The following TRMT9B variants were observed in gnomAD, a reference collection of about 807,000 sequenced individuals.
The protein encoded by TRMT9B is tRNA methyltransferase 9B (putative).
TRMT9B carries 16 observed loss-of-function variants against 11.5 expected under a neutral mutation model. The ratio of observed to expected loss-of-function variants is 1.39; its 90% confidence interval spans 0.94 to 2.11. TRMT9B has a LOEUF of 2.11. Among genes scored for constraint, TRMT9B ranks in the 30% most tolerant of loss-of-function variants. TRMT9B has a pLI of 0.00. For missense variants in TRMT9B, 941 were observed against 553.8 expected (o/e 1.70, Z -7.02); for synonymous variants, 274 against 192.4 (o/e 1.42, Z -3.51).
At chr8:12,968,741 G>A (rs1803170054) in intron 1 of TRMT9B, among the ~76,000 whole-genome samples, 1 of 152,192 alleles carries the variant, frequency 6.6e-6, no homozygotes, top group African/African-American at 2.4e-5. Context: ...ACCTCTCACA[G>A]GAGGTGTAGT....
chr8:13,010,936 A>G (rs1811476586), intron 3 of TRMT9B: 2 of 910,824 alleles, frequency 2.2e-6, no homozygotes, highest in Non-Finnish European at 2.6e-6. Context: ...ATAATATCAT[A>G]GAAATAATAT....
chr8:12,969,106 G>T (rs990376540), intron 1 of TRMT9B, among the ~76,000 whole-genome samples: 1 of 152,128 alleles, frequency 6.6e-6, no homozygotes, highest in East Asian at 1.9e-4. Flanking sequence ...CTAGCTACTC[G>T]GGAGGCTGAG....
At position 13,012,841 on chromosome 8, in the gene TRMT9B, C is replaced by A; in HGVS notation, c.312C>A (p.Ala104=). Residue 104 remains alanine (A), a synonymous_variant, in exon 4 of 5, where the codon GCC becomes GCA. Transcript: ENST00000524591. ...NLPFRDEGFD[A]IISIGVIHHF... Reference sequence around the variant, plus strand: ...CCTTTAGGGATGAGGGCTTCGATGCCATCATCTCCATAGGAGGTAAGGCAG... The same window carrying A: ...CCTTTAGGGATGAGGGCTTCGATGCAATCATCTCCATAGGAGGTAAGGCAG... 6.2e-7 allele frequency: 1 copy of A among 1,613,800 alleles called. No homozygotes were observed.
intron 3 of TRMT9B, chr8:13,007,496 T>C (rs1346068951): frequency 6.6e-6 from 1 of 152,186 alleles, no homozygotes; most frequent in Non-Finnish European, 1.5e-5. Flanking sequence ...TAGTTTGATA[T>C]TCTTTCTAAA....
intron 1 of TRMT9B, among the ~76,000 whole-genome samples, chr8:12,985,231 C>T (rs973975649): frequency 6.6e-6 from 1 of 152,098 alleles, no homozygotes; most frequent in African/African-American, 2.4e-5. Context: ...TGATGGGATT[C>T]CAGAGAGGAT....
intron 1 of TRMT9B, among the ~76,000 whole-genome samples, chr8:12,955,137 C>T (rs955199840): frequency 2.6e-5 from 4 of 152,164 alleles, no homozygotes; most frequent in African/African-American, 9.7e-5. Flanking sequence ...CTGGTTTAAT[C>T]CCCCATCTGG....
Position 12,954,846 on chromosome 8 carries a change from C to T in TRMT9B, c.-200+8880C>T, listed in dbSNP as rs111661732. On this transcript the variant is annotated intron_variant, in intron 1 of 4. Coordinates refer to ENST00000524591, the MANE Select transcript of TRMT9B (RefSeq NM_020844.3). ...TCTCATCCAGAGAAACTTCTAACCA[C>T]TCAAAGAAGACATTTTAAGAGTTTG... Among the ~76,000 whole-genome samples the T allele has an allele frequency of 6.0e-3, 920 of 152,304 alleles. 4 individuals are homozygous for T. Among genetic ancestry groups the T allele is most frequent in the Admixed American group, 0.012 (181 of 15,302 alleles).
At chr8:12,963,579 G>A (rs1167451701) in intron 1 of TRMT9B, among the ~76,000 whole-genome samples, 5 of 152,138 alleles carry the variant, frequency 3.3e-5, no homozygotes, top group Admixed American at 2.0e-4. Context: ...GTGAAACCCC[G>A]TCTCTACAAA....
At chr8:12,953,181 T>G (rs547674384) in intron 1 of TRMT9B, among the ~76,000 whole-genome samples, 8 of 152,136 alleles carry the variant, frequency 5.3e-5, no homozygotes, top group Admixed American at 5.2e-4. Flanking sequence ...ACATTGAAAA[T>G]TTAGTGTGTA....
Position 12,965,531 on chromosome 8 carries a change from T to G in TRMT9B, c.-200+19565T>G, listed in dbSNP as rs1585115353. ...TCAGTACAGGATGTCACCAAACTCA[T>G]TAGTCCAAAGCTGACCTGTCTGATG... On this transcript the variant is annotated intron_variant, in intron 1 of 4. Transcript: ENST00000524591. Among the ~76,000 whole-genome samples the G allele has an allele frequency of 2.6e-5, 4 of 152,258 alleles. No homozygotes were observed. In the East Asian group the frequency reaches 7.7e-4, roughly 29 times the overall value.
intron 1 of TRMT9B, chr8:12,951,692 T>C (rs1012251833): frequency 2.0e-5 from 3 of 151,400 alleles, no homozygotes; most frequent in Admixed American, 2.0e-4. Flanking sequence ...TCCCGAAAGG[T>C]GAAGGCGGCC....
intron 3 of TRMT9B, chr8:13,006,869 A>G (rs868798623): frequency 1.7e-5 from 3 of 181,080 alleles, no homozygotes; most frequent in South Asian, 1.5e-4. Context: ...GGGTTTTGCC[A>G]TGTTGGCCAG....
chr8:12,978,130 C>G (rs1157300940), intron 1 of TRMT9B, among the ~76,000 whole-genome samples: 1 of 152,186 alleles, frequency 6.6e-6, no homozygotes, highest in Non-Finnish European at 1.5e-5. Flanking sequence ...AGCTATAGAT[C>G]TGCCTTTCTT....
chr8:12,977,942 C>G (rs1804721852), intron 1 of TRMT9B, among the ~76,000 whole-genome samples: 2 of 152,100 alleles, frequency 1.3e-5, no homozygotes, highest in Non-Finnish European at 2.9e-5. Context: ...GGTGGGAAGA[C>G]TGCTTGAGCC....
chr8:12,988,433 GGCTACTAATAAAGACATAC>G (rs1806717852), intron 1 of TRMT9B, among the ~76,000 whole-genome samples: 1 of 152,072 alleles, frequency 6.6e-6, no homozygotes, highest in Non-Finnish European at 1.5e-5. Flanking sequence ...TCCATTCTCA[GGCTACTAATAAAGACATAC>G]CCGAGACTGT....
chr8:12,984,482 C>T (rs1393096040), intron 1 of TRMT9B, among the ~76,000 whole-genome samples: 1 of 152,156 alleles, frequency 6.6e-6, no homozygotes, highest in Non-Finnish European at 1.5e-5. Context: ...TCTTGAGCAA[C>T]CTTTTTTCAG....
Position 13,025,864 on chromosome 8 carries a change from C to T in TRMT9B, c.*3820C>T, listed in dbSNP as rs1400692597. 1.2e-5 allele frequency: 2 copies of T among 166,708 alleles called. No individual in the cohort carries two copies. The highest frequency in any genetic ancestry group is 2.9e-5 in the Non-Finnish European group (2 of 68,106). The allele number at this position is 166,708 out of a possible 1,614,324, so 10.3% of individuals were successfully genotyped here. A position where few individuals can be genotyped will look rare whatever the true frequency, so the allele number is the denominator to read the frequency against. On this transcript the variant is annotated 3_prime_UTR_variant, in exon 5 of 5. Transcript: ENST00000524591. ...TTCCAAATTCTACATGCCAGTAATT[C>T]CTCTGTCTTTTAAGTGACCATCAAT...
At chr8:12,959,242 C>T (rs1027213207) in intron 1 of TRMT9B, among the ~76,000 whole-genome samples, 8 of 152,056 alleles carry the variant, frequency 5.3e-5, no homozygotes, top group African/African-American at 1.9e-4. Flanking sequence ...CTCCAGTATC[C>T]AAAAATTTTT....
chr8:13,001,526 A>G (rs1809455066), intron 2 of TRMT9B, among the ~76,000 whole-genome samples: 1 of 152,230 alleles, frequency 6.6e-6, no homozygotes, highest in Middle Eastern at 3.2e-3. Context: ...ATGAAAAAGG[A>G]TGATCAGGAA....
Sources: allele counts gnomAD v4.1 joint callset (sites outside exome capture counted in the v4.1 genomes callset), GRCh38; gene constraint gnomAD v4.1.1; transcripts MANE v1.5; gene names NCBI Gene and HGNC (gene_info 2026-07-23, HGNC 2026-07-21).